The following NTRK3 variants were observed in gnomAD, a reference collection of about 807,000 sequenced individuals.
NTRK3 encodes neurotrophic receptor tyrosine kinase 3.
A neutral mutation model predicts 91.7 loss-of-function variants in NTRK3; 24 were observed. The observed-to-expected ratio is 0.26, with a 90% CI of 0.19 to 0.37. The LOEUF is 0.37. NTRK3 is among the 10% of genes least tolerant of loss of function. The probability of loss-of-function intolerance (pLI) is 1.00; values close to 1 mark genes in which losing one functional copy is unlikely to be tolerated. For missense variants in NTRK3, 880 were observed against 1,068.9 expected (o/e 0.82, Z 2.46); for synonymous variants, 483 against 404.0 (o/e 1.20, Z -2.34).
intron 3 of NTRK3, among the ~76,000 whole-genome samples, chr15:88,203,779 G>T (rs574810290): frequency 2.6e-5 from 4 of 152,060 alleles, no homozygotes; most frequent in African/African-American, 9.7e-5. Context: ...CACATTATAC[G>T]AATGTATTAG....
intron 17 of NTRK3, among the ~76,000 whole-genome samples, chr15:87,900,730 T>TGTGTGC (rs1292724469): frequency 1.7e-3 from 261 of 150,880 alleles, no homozygotes; most frequent in African/African-American, 6.2e-3. Context: ...TGTGTGTGTG[T>TGTGTGC]GCTGTAGGCA....
intron 13 of NTRK3, among the ~76,000 whole-genome samples, chr15:88,092,884 G>T (rs1297386934): frequency 6.6e-6 from 1 of 152,090 alleles, no homozygotes; most frequent in African/African-American, 2.4e-5. Context: ...TTACAAAAAT[G>T]CACATTCTTG....
intron 7 of NTRK3, among the ~76,000 whole-genome samples, chr15:88,136,850 G>A (rs1024648399): frequency 6.6e-5 from 10 of 152,204 alleles, no homozygotes; most frequent in Admixed American, 2.6e-4. Context: ...GGCAGGTTGC[G>A]GGGTGGGGGC....
intron 5 of NTRK3, among the ~76,000 whole-genome samples, chr15:88,149,213 C>T (rs1271573525): frequency 3.3e-5 from 5 of 152,182 alleles, no homozygotes; most frequent in African/African-American, 1.2e-4. Context: ...TCATTGGACG[C>T]AGCCCTCTTT....
At chr15:88,214,448 T>G (rs535473217) in intron 3 of NTRK3, among the ~76,000 whole-genome samples, 2 of 152,244 alleles carry the variant, frequency 1.3e-5, no homozygotes, top group South Asian at 4.1e-4. Context: ...CACCAGTCAC[T>G]GGGTTTAGGG....
chr15:88,002,382 C>G (rs1185309591), intron 14 of NTRK3, among the ~76,000 whole-genome samples: 1 of 151,916 alleles, frequency 6.6e-6, no homozygotes, highest in Admixed American at 6.6e-5. Context: ...ACCCTGCCCT[C>G]AAGGAAATGG....
At chr15:88,248,928 TA>T (rs2053099256) in intron 3 of NTRK3, among the ~76,000 whole-genome samples, 1 of 152,218 alleles carries the variant, frequency 6.6e-6, no homozygotes, top group Non-Finnish European at 1.5e-5. Context: ...GGTGCTTACA[TA>T]ATGTAGTTGT....
At chr15:88,046,852 G>T (rs994531688) in intron 13 of NTRK3, among the ~76,000 whole-genome samples, 1 of 152,206 alleles carries the variant, frequency 6.6e-6, no homozygotes, top group East Asian at 1.9e-4. Flanking sequence ...AATGGCGAGG[G>T]TACAGAGGGT....
intron 16 of NTRK3, among the ~76,000 whole-genome samples, 156 bp downstream of exon 16, chr15:87,932,856 C>G (rs1454101214): frequency 6.6e-6 from 1 of 152,154 alleles, no homozygotes; most frequent in Admixed American, 6.5e-5. Flanking sequence ...AATCTGGCTG[C>G]TAAGGAGATC....
At chr15:88,094,247 A>G (rs888295493) in intron 13 of NTRK3, among the ~76,000 whole-genome samples, 2 of 151,560 alleles carry the variant, frequency 1.3e-5, no homozygotes, top group Non-Finnish European at 2.9e-5. Flanking sequence ...CGGGTGGATC[A>G]TGAGGTCAGG....
chr15:88,171,374 G>A (rs1444022083), intron 5 of NTRK3, among the ~76,000 whole-genome samples: 3 of 152,180 alleles, frequency 2.0e-5, no homozygotes, highest in African/African-American at 7.2e-5. Flanking sequence ...TAGAAGACAT[G>A]GAGGGTCTCT....
chr15:87,875,471 C>T (rs1336566191), exon 19 of NTRK3: 1 of 232,348 alleles, frequency 4.3e-6, no homozygotes, highest in Non-Finnish European at 8.5e-6. Context: ...TTCCCTCTCT[C>T]CGGTCAGGGC....
chr15:87,995,120 G>C (rs545158878), intron 14 of NTRK3, among the ~76,000 whole-genome samples: 1 of 152,276 alleles, frequency 6.6e-6, no homozygotes, highest in African/African-American at 2.4e-5. Flanking sequence ...GAGAACAAAA[G>C]TCCTGGAAAT....
chr15:88,011,887 C>A (rs549371504), intron 14 of NTRK3, among the ~76,000 whole-genome samples: 44 of 152,292 alleles, frequency 2.9e-4, no homozygotes, highest in African/African-American at 9.9e-4. Flanking sequence ...TGCTGACAGC[C>A]AGAAGTGAGC....
chr15:88,050,225 C>T (rs1287994322), intron 13 of NTRK3, among the ~76,000 whole-genome samples: 2 of 152,050 alleles, frequency 1.3e-5, no homozygotes, highest in South Asian at 4.1e-4. Flanking sequence ...TTCAAAGGCA[C>T]GTGTGTCCCA....
chr15:88,146,272 G>A (rs1350699527), intron 6 of NTRK3, among the ~76,000 whole-genome samples: 1 of 152,192 alleles, frequency 6.6e-6, no homozygotes, highest in African/African-American at 2.4e-5. Flanking sequence ...AAAAGGTAAG[G>A]TTTTGATGCA....
At chr15:88,024,382 G>T (rs939592162) in intron 14 of NTRK3, among the ~76,000 whole-genome samples, 6 of 152,180 alleles carry the variant, frequency 3.9e-5, no homozygotes, top group Non-Finnish European at 7.3e-5. Context: ...GGTAAGAAAG[G>T]GTAGGTTGTC....
chr15:87,891,316 C>A (rs900054892), intron 17 of NTRK3, among the ~76,000 whole-genome samples: 2 of 152,180 alleles, frequency 1.3e-5, no homozygotes, highest in Non-Finnish European at 2.9e-5. Context: ...GTGTAATACA[C>A]AATTAGGCTT....
At chr15:87,866,001 A>G (rs2141387768) in exon 19 of NTRK3, 1 of 231,560 alleles carries the variant, frequency 4.3e-6, no homozygotes, top group Middle Eastern at 1.3e-3. Context: ...GCAAGACTGT[A>G]TGCAACTGCC....
Sources: allele counts gnomAD v4.1 joint callset (sites outside exome capture counted in the v4.1 genomes callset), GRCh38; gene constraint gnomAD v4.1.1; transcripts MANE v1.5; gene names NCBI Gene and HGNC (gene_info 2026-07-23, HGNC 2026-07-21).